Variants in ME3 observed in about 807,000 individuals in gnomAD.
ME3 encodes malic enzyme 3, also known as NADP-dependent malic enzyme, mitochondrial.
Under a neutral mutation model 68.9 loss-of-function variants are expected in ME3, and 48 were observed. That is an observed-to-expected ratio of 0.70 (90% CI 0.55 to 0.89). The LOEUF (loss-of-function observed/expected upper bound fraction) is 0.89. Ranked by LOEUF, ME3 falls within the 40% of genes least tolerant of loss-of-function variation. The pLI, the probability that ME3 is intolerant of heterozygous loss-of-function variation, is 0.00. For synonymous variants in ME3, 320 were observed against 318.8 expected (o/e 1.00, Z -0.04); for missense variants, 675 against 797.4 (o/e 0.85, Z 1.85).
At chr11:86,599,568 A>G (rs1960219144) in intron 2 of ME3, among the ~76,000 whole-genome samples, 1 of 152,226 alleles carries the variant, frequency 6.6e-6, no homozygotes, top group South Asian at 2.1e-4. Flanking sequence ...CTAGCAAGGC[A>G]GGCCAACATT....
In ME3 at chr11:86,556,534, TCACTC is replaced by T; in HGVS notation, c.467+14_467+18del. On this transcript the variant is annotated intron_variant, in intron 4 of 14. Coordinates refer to ENST00000543262, the Ensembl canonical transcript of ME3. ...TATGAGGCAGCCCCTCCCAGAGCCC[TCACTC>T]CACGGGGGCTCACCGGGGCCTGCGG... 1 of 1,608,222 alleles carries T rather than the reference TCACTC, an allele frequency of 6.2e-7. No individual in the cohort carries two copies. The highest frequency in any genetic ancestry group is 8.5e-7 in the Non-Finnish European group (1 of 1,176,932).
intron 4 of ME3, among the ~76,000 whole-genome samples, chr11:86,528,540 C>T (rs1343728862): frequency 6.6e-6 from 1 of 152,160 alleles, no homozygotes; most frequent in Non-Finnish European, 1.5e-5. Context: ...CACCCCAAAT[C>T]AACAGAATAT....
intron 4 of ME3, among the ~76,000 whole-genome samples, chr11:86,545,004 C>T (rs771602549): frequency 2.0e-5 from 3 of 152,188 alleles, no homozygotes; most frequent in Non-Finnish European, 4.4e-5. Context: ...CCTGGGGATG[C>T]ATGGCTGGTT....
intron 2 of ME3, among the ~76,000 whole-genome samples, chr11:86,590,039 C>T (rs1379357746): frequency 6.6e-6 from 1 of 152,154 alleles, no homozygotes; most frequent in African/African-American, 2.4e-5. Flanking sequence ...CTTTATATCT[C>T]TTCTGCTGAC....
intron 4 of ME3, among the ~76,000 whole-genome samples, chr11:86,545,189 A>T (rs1052880499): frequency 1.3e-5 from 2 of 152,250 alleles, no homozygotes; most frequent in African/African-American, 4.8e-5. Flanking sequence ...AGAGCTATTT[A>T]TGACAAACCC....
At chr11:86,598,096 G>T (rs1006608812) in intron 2 of ME3, among the ~76,000 whole-genome samples, 2 of 152,102 alleles carry the variant, frequency 1.3e-5, no homozygotes, top group Non-Finnish European at 2.9e-5. Context: ...GACAGTGGGC[G>T]CAGGACAGTG....
At chr11:86,449,425 C>T (rs564667747) in intron 10 of ME3, among the ~76,000 whole-genome samples, 5 of 152,232 alleles carry the variant, frequency 3.3e-5, no homozygotes, top group Admixed American at 3.3e-4. Context: ...GTGGTAAGTA[C>T]AATGTATGGA....
At chr11:86,596,619 A>T (rs1165550840) in intron 2 of ME3, among the ~76,000 whole-genome samples, 1 of 152,218 alleles carries the variant, frequency 6.6e-6, no homozygotes, top group African/African-American at 2.4e-5. Context: ...TCTCACCTTC[A>T]TGTAGAATCA....
intron 2 of ME3, among the ~76,000 whole-genome samples, chr11:86,649,757 G>A (rs372364025): frequency 6.6e-6 from 1 of 152,200 alleles, no homozygotes. Context: ...TTACAAGGAT[G>A]TGAAGGACTC....
chr11:86,596,474 G>A (rs930861525), intron 2 of ME3, among the ~76,000 whole-genome samples: 1 of 152,160 alleles, frequency 6.6e-6, no homozygotes. Flanking sequence ...CCAGGAAAAT[G>A]TTTAACCAGG....
chr11:86,507,232 A>AAG (rs1051151475), intron 5 of ME3, among the ~76,000 whole-genome samples: 2 of 152,148 alleles, frequency 1.3e-5, no homozygotes, highest in Non-Finnish European at 2.9e-5. Flanking sequence ...GGCAGGGAAA[A>AAG]AGAGAGAGAG....
At chr11:86,626,626 G>T (rs73524100) in intron 2 of ME3, among the ~76,000 whole-genome samples, 1 of 152,326 alleles carries the variant, frequency 6.6e-6, no homozygotes, top group South Asian at 2.1e-4. Flanking sequence ...AGCAGAGACT[G>T]TCAAACATTT....
chr11:86,531,747 G>A (rs773086742), intron 4 of ME3, among the ~76,000 whole-genome samples: 2 of 145,572 alleles, frequency 1.4e-5, no homozygotes, highest in African/African-American at 2.5e-5. Flanking sequence ...ACTGTCACAT[G>A]TTCTCACTCA....
At chr11:86,567,239 A>G (rs868850849) in intron 2 of ME3, among the ~76,000 whole-genome samples, 2 of 110,640 alleles carry the variant, frequency 1.8e-5, no homozygotes, top group African/African-American at 7.6e-5. Context: ...GAAAGAAAAG[A>G]AAGAAAGGAA....
chr11:86,582,055 A>G (rs890260544), intron 2 of ME3, among the ~76,000 whole-genome samples: 1 of 152,254 alleles, frequency 6.6e-6, no homozygotes, highest in African/African-American at 2.4e-5. Flanking sequence ...ACCAAATCTG[A>G]TAATTTTCTT....
At chr11:86,536,538 C>G (rs1432968127) in intron 4 of ME3, among the ~76,000 whole-genome samples, 1 of 136,500 alleles carries the variant, frequency 7.3e-6, no homozygotes, top group Non-Finnish European at 1.6e-5. Context: ...TGAAAAAATG[C>G]TCATCATCAC....
At chr11:86,566,352 T>C (rs1407095335) in intron 2 of ME3, among the ~76,000 whole-genome samples, 3 of 152,256 alleles carry the variant, frequency 2.0e-5, no homozygotes, top group Admixed American at 1.3e-4. Context: ...GATTATGCTG[T>C]TGACAGGCAG....
In ME3 at chr11:86,512,128, G is replaced by A. The variant is rs190418288; in HGVS notation, c.468-3261C>T. On this transcript the variant is annotated intron_variant, in intron 4 of 14. Transcript: ENST00000543262. ...CCTTTACTGCAATACCATGGTCTTC[G>A]TGAATTGCTTTTGTCTGTACAGTGG... Among the ~76,000 whole-genome samples, 69 of 152,222 alleles carry A rather than the reference G, an allele frequency of 4.5e-4. No individual in the cohort carries two copies. The East Asian group carries it at 8.5e-3, about 19-fold the overall frequency.
chr11:86,637,834 A>T (rs188892673), intron 2 of ME3, among the ~76,000 whole-genome samples: 1 of 152,248 alleles, frequency 6.6e-6, no homozygotes, highest in African/African-American at 2.4e-5. Flanking sequence ...AAATGTCCAG[A>T]TGACATCCTG....
Sources: allele counts gnomAD v4.1 joint callset (sites outside exome capture counted in the v4.1 genomes callset), GRCh38; gene constraint gnomAD v4.1.1; transcripts MANE v1.5; gene names NCBI Gene and HGNC (gene_info 2026-07-23, HGNC 2026-07-21).